The following TBC1D14 variants were observed in gnomAD, a reference collection of about 807,000 sequenced individuals.
TBC1D14 encodes TBC1 domain family, member 14.
TBC1D14 carries 26 observed loss-of-function variants against 79.0 expected under a neutral mutation model. The ratio of observed to expected loss-of-function variants is 0.33; its 90% confidence interval spans 0.24 to 0.46. The LOEUF (loss-of-function observed/expected upper bound fraction) is 0.46. Ranked by LOEUF, TBC1D14 falls within the 20% of genes least tolerant of loss-of-function variation. The pLI is 1.00. For missense variants in TBC1D14, 769 were observed against 887.6 expected, an observed-to-expected ratio of 0.87 and a Z score of 1.70; for synonymous variants, 394 against 349.9, an observed-to-expected ratio of 1.13 and a Z score of -1.40.
intron 7 of TBC1D14, among the ~76,000 whole-genome samples, chr4:7,002,202 G>C (rs796900797): frequency 5.3e-5 from 8 of 152,306 alleles, no homozygotes; most frequent in African/African-American, 1.9e-4. Flanking sequence ...AGGAACGTGG[G>C]GGCCCGGAAC....
chr4:6,978,220 A>G (rs1246253147), intron 3 of TBC1D14, among the ~76,000 whole-genome samples: 1 of 150,554 alleles, frequency 6.6e-6, no homozygotes, highest in African/African-American at 2.5e-5. Context: ...CTGCCCGGCC[A>G]CCACCCCGTC....
At chr4:7,026,093 G>A (rs112783702) in intron 13 of TBC1D14, among the ~76,000 whole-genome samples, 226 of 151,766 alleles carry the variant, frequency 1.5e-3, no homozygotes, top group African/African-American at 4.9e-3. Flanking sequence ...TGCAGCCCCC[G>A]CCTCCCAGGC....
Position 6,924,213 on chromosome 4 carries a change from AGG to A in TBC1D14, c.722+103_722+104del, listed in dbSNP as rs530939336. On this transcript the variant is annotated intron_variant, in intron 2 of 13. Transcript: ENST00000409757. Reference sequence around the variant, plus strand: ...TTGTGTGTTCTCTGTGGTGTTAGGCAGGCACTGTCTCACACAGATAATTGGGT... The same window carrying A: ...TTGTGTGTTCTCTGTGGTGTTAGGCACACTGTCTCACACAGATAATTGGGT... 1.3e-4 allele frequency: 186 copies of A among 1,437,974 alleles called. No homozygotes were observed. In the South Asian group the frequency reaches 2.3e-3, roughly 18 times the overall value. The allele number at this position is 1,437,974 out of a possible 1,614,324, so 89.1% of individuals were successfully genotyped here.
chr4:7,022,901 C>T (rs552349100), intron 12 of TBC1D14, among the ~76,000 whole-genome samples: 1 of 152,092 alleles, frequency 6.6e-6, no homozygotes, highest in South Asian at 2.1e-4. Flanking sequence ...CTTTTGTTCT[C>T]TTTGCTATAA....
In TBC1D14 at chr4:7,032,830, C is replaced by A. The variant is rs553001321; in HGVS notation, c.*2438C>A. On this transcript the variant is annotated 3_prime_UTR_variant, in exon 14 of 14. Coordinates refer to ENST00000409757, the MANE Select transcript of TBC1D14 (RefSeq NM_020773.3). Reference sequence around the variant, plus strand: ...CTCTCACAGTCTAAGACTTCAGGGCCGGGACCTTTGTCCAGCCTGCACAGT... The same window carrying A: ...CTCTCACAGTCTAAGACTTCAGGGCAGGGACCTTTGTCCAGCCTGCACAGT... 1 of 152,250 alleles carries A rather than the reference C, an allele frequency of 6.6e-6. No individual in the cohort carries two copies. The highest frequency in any genetic ancestry group is 1.5e-5 in the Non-Finnish European group (1 of 68,054). 9.4% of individuals were successfully genotyped at this position (152,250 alleles called of 1,614,324 possible).
intron 2 of TBC1D14, among the ~76,000 whole-genome samples, chr4:6,945,958 C>T (rs4689566): frequency 1.3e-5 from 2 of 151,874 alleles, no homozygotes. Context: ...GTGAAACCTG[C>T]GCCTCAGGAT....
At chr4:6,949,266 G>A (rs561069901) in intron 2 of TBC1D14, among the ~76,000 whole-genome samples, 1 of 152,212 alleles carries the variant, frequency 6.6e-6, no homozygotes, top group East Asian at 1.9e-4. Context: ...GTCTTGGCTA[G>A]TCTTGGTCTT....
intron 9 of TBC1D14, among the ~76,000 whole-genome samples, chr4:7,008,143 T>C (rs1419247344): frequency 1.3e-5 from 2 of 152,220 alleles, no homozygotes; most frequent in Non-Finnish European, 2.9e-5. Context: ...TTGAACGTAA[T>C]TTGAAACTGA....
In TBC1D14 at chr4:7,015,787, G is replaced by A. The variant is rs141579281; in HGVS notation, c.1757+1230G>A. Among the ~76,000 whole-genome samples the A allele has an allele frequency of 1.0e-3, 156 of 152,320 alleles. 2 individuals carry two copies. Among genetic ancestry groups the A allele is most frequent in the African/African-American group, 3.6e-3 (151 of 41,564 alleles). On this transcript the variant is annotated intron_variant, in intron 12 of 13. Transcript: ENST00000409757. ...TTGGGGAAGGCTGTGAAGCCCGGCT[G>A]AGCTCCCAGTTCCTTATCTGGAGGC...
intron 2 of TBC1D14, among the ~76,000 whole-genome samples, chr4:6,949,759 T>G (rs535765261): frequency 1.9e-3 from 291 of 152,112 alleles, no homozygotes; most frequent in Middle Eastern, 3.4e-3. Context: ...AGTTTTGTTT[T>G]TGTTTTTTTT....
intron 1 of TBC1D14, among the ~76,000 whole-genome samples, chr4:6,919,448 A>G (rs888749601): frequency 1.3e-5 from 2 of 151,036 alleles, no homozygotes; most frequent in African/African-American, 2.4e-5. Context: ...GCTGGCCTAT[A>G]ATTTCACTTT....
rs1717986958 is a variant in TBC1D14, at chr4:6,987,523, C to G, written c.844-6661C>G. ...CATCACGTGTATCTGTCCTCAACAG[C>G]CGAAGCTTGCTGTGCATGCTGCTGA... On this transcript the variant is annotated intron_variant, in intron 3 of 13. Coordinates refer to ENST00000409757, the MANE Select transcript of TBC1D14 (RefSeq NM_020773.3). 5.9e-6 allele frequency: 3 copies of G among 512,324 alleles called. No individual in the cohort carries two copies. In the East Asian group the frequency reaches 1.1e-4, roughly 18 times the overall value. 31.7% of individuals were successfully genotyped at this position (512,324 alleles called of 1,614,324 possible).
intron 5 of TBC1D14, 115 bp downstream of exon 5, chr4:6,996,522 T>C: frequency 1.2e-6 from 1 of 816,720 alleles, no homozygotes; most frequent in Non-Finnish European, 2.0e-6. Context: ...CTTTGAAATT[T>C]GTAGTCTTCC....
intron 12 of TBC1D14, among the ~76,000 whole-genome samples, chr4:7,018,331 G>A (rs1459538014): frequency 2.6e-5 from 4 of 152,166 alleles, no homozygotes; most frequent in Non-Finnish European, 5.9e-5. Context: ...CCAGCTCAGC[G>A]TCCTGGGTGG....
At chr4:7,027,297 C>T (rs989014631) in intron 13 of TBC1D14, among the ~76,000 whole-genome samples, 1 of 149,952 alleles carries the variant, frequency 6.7e-6, no homozygotes, top group Non-Finnish European at 1.5e-5. Context: ...GTCACCCCCC[C>T]CACACACATC....
At chr4:6,942,749 G>C in intron 2 of TBC1D14, among the ~76,000 whole-genome samples, 1 of 152,248 alleles carries the variant, frequency 6.6e-6, no homozygotes. Flanking sequence ...AACCAGGCAC[G>C]AGGAAGAAGG....
intron 7 of TBC1D14, among the ~76,000 whole-genome samples, chr4:7,003,183 C>T (rs974813590): frequency 2.0e-5 from 3 of 152,196 alleles, no homozygotes; most frequent in Admixed American, 6.5e-5. Context: ...CAGCCTCCAG[C>T]GTTCCCCAGA....
chr4:6,937,687 C>T (rs1418809265), intron 2 of TBC1D14, among the ~76,000 whole-genome samples: 4 of 152,134 alleles, frequency 2.6e-5, no homozygotes, highest in Non-Finnish European at 5.9e-5. Context: ...ACGTGCAGGG[C>T]AGGCTTGTCT....
At chr4:6,986,327 G>C (rs1717816369) in intron 3 of TBC1D14, among the ~76,000 whole-genome samples, 1 of 152,214 alleles carries the variant, frequency 6.6e-6, no homozygotes, top group Non-Finnish European at 1.5e-5. Flanking sequence ...CTCTCTGGTC[G>C]TATTTCTCTT....
Sources: gnomAD v4.1 joint callset for allele counts (sites outside exome capture counted in the v4.1 genomes callset) on GRCh38, gnomAD v4.1.1 for gene constraint, MANE v1.5 for transcripts, NCBI Gene and HGNC (gene_info 2026-07-23, HGNC 2026-07-21) for gene names.